Variants in EPHA4 observed in about 807,000 individuals in gnomAD.
The protein encoded by EPHA4 is EPH receptor A4.
A neutral mutation model predicts 108.3 loss-of-function variants in EPHA4; 19 were observed. The observed-to-expected ratio is 0.18, with a 90% confidence interval of 0.12 to 0.26. The LOEUF (loss-of-function observed/expected upper bound fraction) is 0.26. Among genes scored for constraint, EPHA4 ranks in the 10% least tolerant of loss-of-function variants. The pLI is 1.00. For missense variants in EPHA4, 917 were observed against 1,254.0 expected, an observed-to-expected ratio of 0.73 and a Z score of 4.06; for synonymous variants, 449 against 455.5, an observed-to-expected ratio of 0.99 and a Z score of 0.18.
intron 3 of EPHA4, among the ~76,000 whole-genome samples, chr2:221,553,759 A>AT (rs1359793871): frequency 6.6e-6 from 1 of 152,224 alleles, no homozygotes; most frequent in Non-Finnish European, 1.5e-5. Context: ...GCTGAACAGT[A>AT]TGAAAAAAAT....
intron 3 of EPHA4, among the ~76,000 whole-genome samples, chr2:221,561,362 A>C (rs1451019261): frequency 6.6e-6 from 1 of 152,194 alleles, no homozygotes; most frequent in East Asian, 1.9e-4. Context: ...ACAGAAACAA[A>C]CAACCAAAGT....
intron 5 of EPHA4, among the ~76,000 whole-genome samples, chr2:221,462,168 G>A (rs1385588142): frequency 6.6e-6 from 1 of 151,872 alleles, no homozygotes; most frequent in Non-Finnish European, 1.5e-5. Flanking sequence ...ATAGCAATGA[G>A]AGCTGGTCAT....
At chr2:221,507,147 T>A (rs1408658248) in intron 3 of EPHA4, among the ~76,000 whole-genome samples, 1 of 152,194 alleles carries the variant, frequency 6.6e-6, no homozygotes, top group Non-Finnish European at 1.5e-5. Context: ...GAATAACTTG[T>A]CCACGGGTCC....
In EPHA4 at chr2:221,566,927, AG is replaced by A. The variant is rs1559297252; in HGVS notation, c.159+1790del. Among the ~76,000 whole-genome samples, 8 of 54,038 alleles carry A rather than the reference AG, an allele frequency of 1.5e-4. 2 individuals are homozygous for A. Among genetic ancestry groups the A allele is most frequent in the African/African-American group, 5.6e-4 (5 of 8,856 alleles). 35.5% of individuals were successfully genotyped at this position (54,038 alleles called of 152,430 possible). A position where few individuals can be genotyped will look rare whatever the true frequency, so the allele number is the denominator to read the frequency against. On this transcript the variant is annotated intron_variant, in intron 2 of 17. Coordinates refer to ENST00000281821, the MANE Select transcript of EPHA4 (RefSeq NM_004438.5). ...GAGAAGGAGAAGGAGAAGGAGAAGGAGAAGGAGAAGGAGAAGGAGAAGGAGA... is the reference window on the plus strand; with the variant it reads ...GAGAAGGAGAAGGAGAAGGAGAAGGAAAGGAGAAGGAGAAGGAGAAGGAGA...
rs761557412 is a variant in EPHA4 at position 221,426,156 on chromosome 2, G to A, written c.2847-14C>T. 41 of 1,601,112 alleles carry A rather than the reference G, an allele frequency of 2.6e-5. No individual in the cohort carries two copies. The Middle Eastern group carries it at 5.0e-4, about 19-fold the overall frequency. On this transcript the variant is annotated splice_polypyrimidine_tract_variant and intron_variant, in intron 16 of 17. Transcript: ENST00000281821. ...CTTGCCAGGTCCCTGTACATAGGGC[G>A]ACAAAAAAGGGACAGAAGAAGTCAC...
intron 8 of EPHA4, among the ~76,000 whole-genome samples, chr2:221,450,151 T>G (rs973004441): frequency 6.6e-6 from 1 of 152,246 alleles, no homozygotes; most frequent in Non-Finnish European, 1.5e-5. Flanking sequence ...CACATGATTG[T>G]AATATTCCAG....
At position 221,430,031 on chromosome 2, in the gene EPHA4, G is replaced by A; in HGVS notation, c.2617C>T (p.Gln873Ter). ...KERSDRPKFG[Q>*]IVNMLDKLIR... Reference sequence around the variant, plus strand: ...AGTTTGTCCAACATGTTGACAATCTGCCCAAATTTAGGCCTGTCGCTCCTC... The same window carrying A: ...AGTTTGTCCAACATGTTGACAATCTACCCAAATTTAGGCCTGTCGCTCCTC... Residue 873 changes from glutamine (Q) to a stop codon, truncating the protein, a stop_gained, in exon 15 of 18, where the codon CAG becomes TAG. Coordinates refer to ENST00000281821, the MANE Select transcript of EPHA4 (RefSeq NM_004438.5). LOFTEE classifies it high-confidence loss of function. 6.2e-7 allele frequency: 1 copy of A among 1,614,032 alleles called. No homozygotes were observed. Among genetic ancestry groups the A allele is most frequent in the Non-Finnish European group, 8.5e-7 (1 of 1,179,994 alleles).
chr2:221,436,941 T>C lies in EPHA4; in HGVS notation c.2136+120A>G, dbSNP rs552473270. The C allele has an allele frequency of 2.5e-5, 19 of 765,544 alleles. No individual in the cohort carries two copies. The African/African-American group carries it at 3.1e-4, about 13-fold the overall frequency. The allele number at this position is 765,544 out of a possible 1,614,324, so 47.4% of individuals were successfully genotyped here. On this transcript the variant is annotated intron_variant, in intron 12 of 17. Transcript: ENST00000281821. ...ATCACATCATTCTCCATTTCTCCTC[T>C]TCTTTCTTTGCCCATTAAAAGAAAT...
At position 221,456,755 on chromosome 2, in the gene EPHA4, G is replaced by A. The variant is rs1382270656; in HGVS notation, c.1461C>T (p.Ser487=). The change falls in exon 7 of 18, where the codon AGC becomes AGT. Residue 487 remains serine, a synonymous_variant. Coordinates refer to ENST00000281821, the MANE Select transcript of EPHA4 (RefSeq NM_004438.5). ...TGGCAGCTGTCCGAACTATACGATA[G>A]CTTCGCTCATTCTGATCCTACATCA... is the stretch of plus-strand genomic sequence containing the variant. ...KYYEKDQNER[S]YRIVRTAARN... 1 of 1,613,848 alleles carries A rather than the reference G, an allele frequency of 6.2e-7. No individual in the cohort carries two copies. Among genetic ancestry groups the A allele is most frequent in the East Asian group, 2.2e-5 (1 of 44,864 alleles).
chr2:221,486,232 G>A (rs1462965604), intron 4 of EPHA4, among the ~76,000 whole-genome samples: 2 of 152,198 alleles, frequency 1.3e-5, no homozygotes, highest in Admixed American at 6.5e-5. Flanking sequence ...GAGGGTCATT[G>A]TGAATGGCAA....
chr2:221,522,917 G>T (rs1277398537), intron 3 of EPHA4, among the ~76,000 whole-genome samples: 2 of 151,954 alleles, frequency 1.3e-5, no homozygotes, highest in East Asian at 1.9e-4. Flanking sequence ...ACAGGTGCGT[G>T]CCACCATCCA....
intron 9 of EPHA4, among the ~76,000 whole-genome samples, chr2:221,443,995 C>G (rs544216533): frequency 6.6e-6 from 1 of 152,340 alleles, no homozygotes; most frequent in South Asian, 2.1e-4. Context: ...GAAATAGAAG[C>G]ATTTTAATTT....
chr2:221,456,789 TA>T lies in EPHA4; in HGVS notation c.1444-18del, dbSNP rs770313166. On this transcript the variant is annotated intron_variant, in intron 6 of 17. Transcript: ENST00000281821. Reference sequence around the variant, plus strand: ...ATTCTGATCCTACATCATGGCAAGATAAAATTGGGGAAGGTGGCAAAATAAA... The same window carrying T: ...ATTCTGATCCTACATCATGGCAAGATAAATTGGGGAAGGTGGCAAAATAAA... 5.6e-6 allele frequency: 9 copies of T among 1,611,074 alleles called. No individual in the cohort carries two copies. The highest frequency in any genetic ancestry group is 7.6e-6 in the Non-Finnish European group (9 of 1,177,714).
intron 5 of EPHA4, among the ~76,000 whole-genome samples, chr2:221,472,447 G>A (rs1008686820): frequency 6.6e-6 from 1 of 152,024 alleles, no homozygotes; most frequent in Non-Finnish European, 1.5e-5. Context: ...TCTTACCCAA[G>A]CTTGGAACAC....
At chr2:221,492,812 CT>C (rs1280328237) in intron 4 of EPHA4, among the ~76,000 whole-genome samples, 1 of 152,186 alleles carries the variant, frequency 6.6e-6, no homozygotes, top group East Asian at 1.9e-4. Flanking sequence ...ATGTTCTGAA[CT>C]AAAAACCAAC....
At chr2:221,494,251 C>T (rs993250871) in intron 4 of EPHA4, among the ~76,000 whole-genome samples, 3 of 152,212 alleles carry the variant, frequency 2.0e-5, no homozygotes, top group Non-Finnish European at 4.4e-5. Context: ...AGCCAATTTA[C>T]TACCTTTACA....
intron 8 of EPHA4, among the ~76,000 whole-genome samples, chr2:221,447,335 A>C (rs955282706): frequency 2.0e-5 from 3 of 152,216 alleles, no homozygotes; most frequent in Admixed American, 1.3e-4. Flanking sequence ...AAATTCCCGC[A>C]AAGCCAGGTG....
chr2:221,559,989 T>C (rs982408165), intron 3 of EPHA4, among the ~76,000 whole-genome samples: 8 of 152,176 alleles, frequency 5.3e-5, no homozygotes, highest in African/African-American at 1.9e-4. Flanking sequence ...TTCCTCTCCA[T>C]TAGCATGTAC....
intron 3 of EPHA4, among the ~76,000 whole-genome samples, chr2:221,502,267 GACCAAC>G (rs1429196072): frequency 1.3e-5 from 2 of 151,788 alleles, no homozygotes; most frequent in African/African-American, 4.8e-5. Flanking sequence ...GATAAAAATT[GACCAAC>G]ACCATCAGCA....
Sources: allele counts gnomAD v4.1 joint callset (sites outside exome capture counted in the v4.1 genomes callset), GRCh38; gene constraint gnomAD v4.1.1; transcripts MANE v1.5; gene names NCBI Gene and HGNC (gene_info 2026-07-23, HGNC 2026-07-21).